Variants in LHFPL3 observed in about 807,000 individuals in gnomAD.
LHFPL3 encodes LHFPL tetraspan subfamily member 3 protein.
Under a neutral mutation model 19.3 loss-of-function variants are expected in LHFPL3, and 5 were observed. The ratio of observed to expected loss-of-function variants is 0.26; its 90% CI spans 0.14 to 0.54. LHFPL3 has a LOEUF of 0.54. Ranked by LOEUF, LHFPL3 falls within the 20% of genes least tolerant of loss-of-function variation. The pLI, the probability that LHFPL3 is intolerant of heterozygous loss-of-function variation, is 0.94. For missense variants in LHFPL3, 249 were observed against 307.4 expected, an observed-to-expected ratio of 0.81 and a Z score of 1.42; for synonymous variants, 133 against 126.2, an observed-to-expected ratio of 1.05 and a Z score of -0.36.
At chr7:104,527,077 G>A (rs1562926215) in intron 1 of LHFPL3, among the ~76,000 whole-genome samples, 2 of 152,166 alleles carry the variant, frequency 1.3e-5, no homozygotes, top group African/African-American at 2.4e-5. Context: ...GCCACACAGA[G>A]GTCTGGAGGA....
intron 1 of LHFPL3, among the ~76,000 whole-genome samples, chr7:104,334,218 C>T (rs548113617): frequency 2.0e-5 from 3 of 152,008 alleles, no homozygotes; most frequent in Non-Finnish European, 2.9e-5. Flanking sequence ...AATGAATAAT[C>T]GGGTGAAGAA....
intron 2 of LHFPL3, among the ~76,000 whole-genome samples, chr7:104,899,463 TGAGA>T (rs533577803): frequency 6.6e-6 from 1 of 151,170 alleles, no homozygotes; most frequent in Admixed American, 6.6e-5. Context: ...CAGACCTCGC[TGAGA>T]GAGAGAGAGT....
At chr7:104,768,388 A>T (rs1425683357) in intron 2 of LHFPL3, among the ~76,000 whole-genome samples, 1 of 152,104 alleles carries the variant, frequency 6.6e-6, no homozygotes, top group Admixed American at 6.5e-5. Flanking sequence ...ATCTCCAGGG[A>T]GTGCAATCAC....
chr7:104,850,315 A>C (rs116941819), intron 2 of LHFPL3, among the ~76,000 whole-genome samples: 2 of 152,176 alleles, frequency 1.3e-5, no homozygotes, highest in Non-Finnish European at 2.9e-5. Flanking sequence ...AAAATAAATA[A>C]ATAAAAGTAA....
intron 2 of LHFPL3, among the ~76,000 whole-genome samples, chr7:104,788,434 A>T (rs142422335): frequency 5.1e-4 from 78 of 152,278 alleles, no homozygotes; most frequent in African/African-American, 1.8e-3. Flanking sequence ...TATCTATTCA[A>T]TCTATTGTAG....
intron 1 of LHFPL3, among the ~76,000 whole-genome samples, chr7:104,461,754 C>T (rs1271851545): frequency 1.3e-5 from 2 of 151,976 alleles, no homozygotes; most frequent in African/African-American, 4.8e-5. Flanking sequence ...GGTTCCATAT[C>T]AATTTTAAAA....
chr7:104,719,305 G>C (rs1349461744), intron 1 of LHFPL3, among the ~76,000 whole-genome samples: 1 of 151,868 alleles, frequency 6.6e-6, no homozygotes, highest in East Asian at 1.9e-4. Flanking sequence ...TCTTTGAAAG[G>C]AATATATACC....
intron 2 of LHFPL3, 119 bp from the exon 3 acceptor site, chr7:104,906,068 C>A: frequency 1.1e-6 from 1 of 905,376 alleles, no homozygotes; most frequent in Non-Finnish European, 1.8e-6. Flanking sequence ...GCATTTGAAC[C>A]ATTCATTGGT....
chr7:104,731,202 G>A (rs945217610), intron 1 of LHFPL3, among the ~76,000 whole-genome samples: 2 of 152,096 alleles, frequency 1.3e-5, no homozygotes, highest in African/African-American at 4.8e-5. Context: ...TTGTTCTTTT[G>A]GCTTAGGATT....
Position 104,360,540 on chromosome 7 carries a change from A to G in LHFPL3, c.445+31316A>G, listed in dbSNP as rs542531731. On this transcript the variant is annotated intron_variant, in intron 1 of 2. Transcript: ENST00000424859. Reference sequence around the variant, plus strand: ...AAACTGGACTTGAAGAGGAGCCCCAATTCTATGTCTGCCTTATAGCAGGTG... The same window carrying G: ...AAACTGGACTTGAAGAGGAGCCCCAGTTCTATGTCTGCCTTATAGCAGGTG... Among the ~76,000 whole-genome samples the G allele has an allele frequency of 2.0e-5, 3 of 152,180 alleles. No individual in the cohort carries two copies. The South Asian group carries it at 6.2e-4, about 32-fold the overall frequency.
chr7:104,731,067 A>G (rs369273042), intron 1 of LHFPL3, among the ~76,000 whole-genome samples: 1 of 151,920 alleles, frequency 6.6e-6, no homozygotes, highest in South Asian at 2.1e-4. Context: ...GATGTGTGGT[A>G]TTATTTCTGA....
chr7:104,557,715 A>G (rs113004620), intron 1 of LHFPL3, among the ~76,000 whole-genome samples: 7 of 151,430 alleles, frequency 4.6e-5, no homozygotes, highest in Admixed American at 3.9e-4. Context: ...TTTAGGGTAC[A>G]TGTGCACATT....
At chr7:104,620,367 A>G (rs929296722) in intron 1 of LHFPL3, among the ~76,000 whole-genome samples, 2 of 152,228 alleles carry the variant, frequency 1.3e-5, no homozygotes, top group African/African-American at 4.8e-5. Context: ...AGATAGAACA[A>G]TGATGACTAA....
At chr7:104,606,169 G>A (rs987341917) in intron 1 of LHFPL3, among the ~76,000 whole-genome samples, 4 of 152,164 alleles carry the variant, frequency 2.6e-5, no homozygotes, top group Admixed American at 6.5e-5. Context: ...CCAAAAAGAC[G>A]TGTTTAGATG....
chr7:104,676,640 G>A (rs1411521032), intron 1 of LHFPL3, among the ~76,000 whole-genome samples: 1 of 152,078 alleles, frequency 6.6e-6, no homozygotes, highest in Non-Finnish European at 1.5e-5. Context: ...AAATAGCACT[G>A]GTAAATACTT....
chr7:104,771,161 C>G (rs1247388175), intron 2 of LHFPL3, among the ~76,000 whole-genome samples: 2 of 152,172 alleles, frequency 1.3e-5, no homozygotes, highest in Non-Finnish European at 2.9e-5. Context: ...CCAAACTTAC[C>G]ACGCTCTGCC....
chr7:104,622,815 G>C (rs1310895309), intron 1 of LHFPL3, among the ~76,000 whole-genome samples: 2 of 152,156 alleles, frequency 1.3e-5, no homozygotes, highest in Non-Finnish European at 2.9e-5. Context: ...TTTCTTGTGG[G>C]TATATACCTA....
chr7:104,907,416 G>T lies in LHFPL3; in HGVS notation c.*1201G>T, dbSNP rs1009236365. ...CTAATGTTGGTTTCAAAAATACTCA[G>T]ATTCATTTTAGTTGGCTGACATCTG... is the stretch of plus-strand genomic sequence containing the variant. On this transcript the variant is annotated 3_prime_UTR_variant, in exon 3 of 3. Coordinates refer to ENST00000424859, the MANE Select transcript of LHFPL3 (RefSeq NM_199000.3). Among the ~76,000 whole-genome samples, 5 of 152,078 alleles carry T rather than the reference G, an allele frequency of 3.3e-5. No homozygotes were observed. The highest frequency in any genetic ancestry group is 1.2e-4 in the African/African-American group (5 of 41,408).
intron 1 of LHFPL3, among the ~76,000 whole-genome samples, chr7:104,479,051 G>A (rs1793078640): frequency 6.6e-6 from 1 of 152,172 alleles, no homozygotes; most frequent in African/African-American, 2.4e-5. Flanking sequence ...TGGAGTCTGT[G>A]GTTTGCTGGG....
Sources: gnomAD v4.1 joint callset for allele counts (sites outside exome capture counted in the v4.1 genomes callset) on GRCh38, gnomAD v4.1.1 for gene constraint, MANE v1.5 for transcripts, NCBI Gene and HGNC (gene_info 2026-07-23, HGNC 2026-07-21) for gene names.